The following EPB41L3 variants were observed in gnomAD, a reference collection of about 807,000 sequenced individuals.
The protein encoded by EPB41L3 is erythrocyte membrane protein band 4.1 like 3.
A neutral mutation model predicts 127.1 loss-of-function variants in EPB41L3; 57 were observed. The observed-to-expected ratio is 0.45, with a 90% CI of 0.36 to 0.56. The LOEUF (loss-of-function observed/expected upper bound fraction) is 0.56. Ranked by LOEUF, EPB41L3 falls within the 20% of genes least tolerant of loss-of-function variation. EPB41L3 has a pLI of 0.00. For missense variants in EPB41L3, 1,273 were observed against 1,372.2 expected, an observed-to-expected ratio of 0.93 and a Z score of 1.14; for synonymous variants, 572 against 549.5, an observed-to-expected ratio of 1.04 and a Z score of -0.57.
intron 3 of EPB41L3, among the ~76,000 whole-genome samples, chr18:5,602,350 T>C (rs1402577824): frequency 6.6e-6 from 1 of 152,236 alleles, no homozygotes; most frequent in African/African-American, 2.4e-5. Context: ...CTGAGCACCT[T>C]GTGCCTACTT....
chr18:5,590,126 T>C (rs2094473044), intron 3 of EPB41L3, among the ~76,000 whole-genome samples: 1 of 152,132 alleles, frequency 6.6e-6, no homozygotes, highest in African/African-American at 2.4e-5. Context: ...ACTGCTCCAT[T>C]CTTTTGAAGC....
chr18:5,598,581 C>T (rs564790243), intron 3 of EPB41L3, among the ~76,000 whole-genome samples: 108 of 152,190 alleles, frequency 7.1e-4, no homozygotes, highest in South Asian at 3.5e-3. Flanking sequence ...TAGTGAAAAA[C>T]GGTGTCAACC....
At chr18:5,454,201 G>GT (rs2082695326) in intron 3 of EPB41L3, among the ~76,000 whole-genome samples, 1 of 127,194 alleles carries the variant, frequency 7.9e-6, no homozygotes. Flanking sequence ...TTTTTTTTTT[G>GT]TTTCCTTGTT....
intron 1 of EPB41L3, among the ~76,000 whole-genome samples, chr18:5,506,241 A>G (rs1391287069): frequency 6.6e-6 from 1 of 152,098 alleles, no homozygotes; most frequent in Non-Finnish European, 1.5e-5. Flanking sequence ...AAATAAAAAC[A>G]TGTCACGTCT....
chr18:5,600,825 G>C (rs115485286), intron 3 of EPB41L3, among the ~76,000 whole-genome samples: 1,851 of 152,286 alleles, frequency 0.012, 36 homozygotes, highest in African/African-American at 0.042. Flanking sequence ...TCAAGAGCTA[G>C]AAGGCCCTGA....
chr18:5,500,505 T>C (rs951375188), intron 1 of EPB41L3, among the ~76,000 whole-genome samples: 1 of 152,164 alleles, frequency 6.6e-6, no homozygotes, highest in African/African-American at 2.4e-5. Flanking sequence ...GAAAAGGTTA[T>C]GGCAAAAAAC....
intron 2 of EPB41L3, among the ~76,000 whole-genome samples, chr18:5,484,086 C>CAAAAAAAAAAAACAAAAAAAAAAAAAA (rs2089167530): frequency 5.5e-5 from 1 of 18,264 alleles, no homozygotes; most frequent in Non-Finnish European, 1.3e-4. Context: ...CAAACAAACT[C>CAAAAAAAAAAAACAAAAAAAAAAAAAA]AAAAAAAAAA....
chr18:5,534,215 G>T (rs372255766), intron 1 of EPB41L3, among the ~76,000 whole-genome samples: 5 of 152,172 alleles, frequency 3.3e-5, no homozygotes, highest in Non-Finnish European at 5.9e-5. Context: ...TGAGTCCAAG[G>T]CCAGGTTTCT....
At chr18:5,570,384 A>C (rs933318244) in intron 3 of EPB41L3, among the ~76,000 whole-genome samples, 1 of 152,152 alleles carries the variant, frequency 6.6e-6, no homozygotes, top group African/African-American at 2.4e-5. Context: ...TGCACAAGAG[A>C]ATCAAGTTAT....
chr18:5,608,568 G>A (rs1286514651), intron 3 of EPB41L3, among the ~76,000 whole-genome samples: 2 of 152,106 alleles, frequency 1.3e-5, no homozygotes, highest in Non-Finnish European at 2.9e-5. Flanking sequence ...CAAATAAAGT[G>A]TTATCTTCAG....
At chr18:5,402,814 C>A (rs2074729067) in intron 16 of EPB41L3, among the ~76,000 whole-genome samples, 1 of 152,092 alleles carries the variant, frequency 6.6e-6, no homozygotes, top group African/African-American at 2.4e-5. Context: ...TACTGGCGCA[C>A]AAAATTCATA....
chr18:5,553,509 G>T (rs971488397), intron 3 of EPB41L3, among the ~76,000 whole-genome samples: 1 of 152,076 alleles, frequency 6.6e-6, no homozygotes, highest in Non-Finnish European at 1.5e-5. Context: ...TACAGAAAAG[G>T]GAAATTAATT....
Position 5,416,219 on chromosome 18 carries a change from A to C in EPB41L3, c.1666T>G (p.Leu556Val). Reference protein sequence around the residue: ...RAEHLPGEPALDSDGPGRPYL... With the variant: ...RAEHLPGEPAVDSDGPGRPYL... ...GGCCTCCCTGGGCCATCAGAGTCCA[A>C]GGCGGGCTCTCCAGGCAGGTGCTCA... The change falls in exon 13 of 23, where the codon TTG becomes GTG. Residue 556 changes from leucine to valine, a missense_variant. Leu to Val is a conservative substitution (Grantham distance 32). This residue lies in a region of EPB41L3 where 765 missense variants were observed against 782.9 expected (regional missense o/e 0.98). Coordinates refer to ENST00000341928, the MANE Select transcript of EPB41L3 (RefSeq NM_012307.5). 8.7e-6 allele frequency: 14 copies of C among 1,614,158 alleles called. No individual in the cohort carries two copies. Among genetic ancestry groups the C allele is most frequent in the Non-Finnish European group, 1.2e-5 (14 of 1,180,028 alleles).
intron 16 of EPB41L3, chr18:5,400,968 C>A: frequency 6.5e-7 from 1 of 1,528,022 alleles, no homozygotes; most frequent in Non-Finnish European, 8.8e-7. Flanking sequence ...TTGGTTTTTA[C>A]CTGAGACTCA....
chr18:5,459,596 G>C (rs934867127), intron 3 of EPB41L3, among the ~76,000 whole-genome samples: 6 of 152,006 alleles, frequency 3.9e-5, no homozygotes, highest in African/African-American at 1.2e-4. Context: ...GAAAATTTCT[G>C]GTTATATAAA....
chr18:5,579,238 G>A (rs2094367327), intron 3 of EPB41L3, among the ~76,000 whole-genome samples: 1 of 152,146 alleles, frequency 6.6e-6, no homozygotes, highest in African/African-American at 2.4e-5. Flanking sequence ...AAACAGGAAA[G>A]TAAAGGCATA....
chr18:5,528,102 C>T (rs1619802), intron 1 of EPB41L3, among the ~76,000 whole-genome samples: 3 of 152,026 alleles, frequency 2.0e-5, no homozygotes, highest in East Asian at 3.8e-4. Flanking sequence ...CCAGAAGAGT[C>T]GCCTCTTCTA....
intron 3 of EPB41L3, among the ~76,000 whole-genome samples, chr18:5,452,383 T>TTC (rs1323324497): frequency 2.6e-5 from 4 of 151,760 alleles, no homozygotes; most frequent in Admixed American, 6.6e-5. Context: ...AAATCCTTTT[T>TTC]TTTTTTTTAG....
chr18:5,610,496 G>T (rs2094713626), intron 3 of EPB41L3, among the ~76,000 whole-genome samples: 1 of 152,146 alleles, frequency 6.6e-6, no homozygotes, highest in African/African-American at 2.4e-5. Flanking sequence ...ATATGCAATA[G>T]ATGTTTCCAG....
Sources: allele counts gnomAD v4.1 joint callset (sites outside exome capture counted in the v4.1 genomes callset), GRCh38; gene constraint gnomAD v4.1.1; regional missense constraint gnomAD v4.1.1; transcripts MANE v1.5; gene names NCBI Gene and HGNC (gene_info 2026-07-23, HGNC 2026-07-21).